The following SLCO2A1 variants were observed in gnomAD, a reference collection of about 807,000 sequenced individuals.
The protein encoded by SLCO2A1 is matrin F/G 1.
SLCO2A1 carries 60 observed loss-of-function variants against 71.7 expected under a neutral mutation model. The observed-to-expected ratio is 0.84, with a 90% CI of 0.68 to 1.04. SLCO2A1 has a LOEUF of 1.04. SLCO2A1 is among the 50% of genes least tolerant of loss of function. The pLI is 0.00. For synonymous variants in SLCO2A1, 308 were observed against 326.7 expected (o/e 0.94, Z 0.62); for missense variants, 745 against 813.4 (o/e 0.92, Z 1.02).
At chr3:133,983,973 G>T (rs546015702) in intron 1 of SLCO2A1, among the ~76,000 whole-genome samples, 24 of 152,188 alleles carry the variant, frequency 1.6e-4, no homozygotes, top group Non-Finnish European at 3.2e-4. Context: ...GAGGTCAAAG[G>T]CATGCATGCA....
At chr3:134,000,823 G>A (rs187889984) in intron 1 of SLCO2A1, among the ~76,000 whole-genome samples, 1 of 152,196 alleles carries the variant, frequency 6.6e-6, no homozygotes, top group African/African-American at 2.4e-5. Flanking sequence ...TAAATGTCTT[G>A]TCTTATTATG....
intron 1 of SLCO2A1, among the ~76,000 whole-genome samples, chr3:133,982,920 G>T (rs1486518029): frequency 3.3e-5 from 5 of 152,148 alleles, no homozygotes; most frequent in Non-Finnish European, 7.3e-5. Flanking sequence ...AAACAGCTGT[G>T]TTGGTTTGTG....
In SLCO2A1 at chr3:133,948,990, G is replaced by T; in HGVS notation, c.862-19C>A. On this transcript the variant is annotated intron_variant, in intron 6 of 13. Coordinates refer to ENST00000310926, the MANE Select transcript of SLCO2A1 (RefSeq NM_005630.3). ...GAGCCCTCTGAAGGCAATAAAAGGG[G>T]TGAGTGTTCACGGCCCAGGCTCACT... 1.9e-6 allele frequency: 3 copies of T among 1,608,518 alleles called. No individual in the cohort carries two copies. Among genetic ancestry groups the T allele is most frequent in the Middle Eastern group, 1.7e-4 (1 of 6,048 alleles).
chr3:133,974,502 A>G (rs538142177), intron 2 of SLCO2A1, among the ~76,000 whole-genome samples: 1 of 152,324 alleles, frequency 6.6e-6, no homozygotes, highest in South Asian at 2.1e-4. Flanking sequence ...TTTCTGCCCA[A>G]GCAGCTCTGC....
chr3:133,970,450 A>G (rs1034430147), intron 3 of SLCO2A1, among the ~76,000 whole-genome samples: 1 of 152,262 alleles, frequency 6.6e-6, no homozygotes, highest in African/African-American at 2.4e-5. Context: ...ACGACCTTGC[A>G]TGATTCAAAA....
intron 3 of SLCO2A1, among the ~76,000 whole-genome samples, chr3:133,955,592 C>T (rs149965699): frequency 5.9e-5 from 9 of 152,250 alleles, no homozygotes; most frequent in South Asian, 2.1e-4. Context: ...GGTCAAAGCC[C>T]AGGCCCGTCG....
intron 10 of SLCO2A1, among the ~76,000 whole-genome samples, chr3:133,944,791 A>G (rs531933832): frequency 6.6e-6 from 1 of 152,352 alleles, no homozygotes; most frequent in South Asian, 2.1e-4. Context: ...GATGGGGCTC[A>G]AAGGCCTCAG....
intron 10 of SLCO2A1, among the ~76,000 whole-genome samples, chr3:133,943,667 G>A (rs187213417): frequency 1.4e-4 from 22 of 152,004 alleles, no homozygotes; most frequent in Non-Finnish European, 2.2e-4. Flanking sequence ...ATGCTGTTAC[G>A]GGAAACTTGC....
rs746012275 is a variant in SLCO2A1, at chr3:133,948,624, G to A, written c.1017C>T (p.Ser339=). 1 of 1,614,164 alleles carries A rather than the reference G, an allele frequency of 6.2e-7. No individual in the cohort carries two copies. The highest frequency in any genetic ancestry group is 1.1e-5 in the South Asian group (1 of 91,086). Residue 339 remains serine, a synonymous_variant, in exon 8 of 14, where the codon TCC becomes TCT. Coordinates refer to ENST00000310926, the MANE Select transcript of SLCO2A1 (RefSeq NM_005630.3). ...VLVVLAQCTF[S]SVIAGLSTFL... is the part of the protein sequence containing the mutation. ...AGGTGGAGAGGCCAGCAATGACGGA[G>A]GAGAAGGTGCACTGGGCCAGGACCA...
Position 134,000,188 on chromosome 3 carries a change from C to T in SLCO2A1, c.97-20570G>A, listed in dbSNP as rs181801737. Among the ~76,000 whole-genome samples, 26 of 152,148 alleles carry T rather than the reference C, an allele frequency of 1.7e-4. No homozygotes were observed. In the East Asian group the frequency reaches 1.9e-3, roughly 11 times the overall value. On this transcript the variant is annotated intron_variant, in intron 1 of 13. Transcript: ENST00000310926. ...AGGAGCTCAAGATGCCAGGGGGAGC[C>T]GGACGAGTGCAGGGAGGCAGCTTGA...
At chr3:134,013,192 CTGAG>C (rs1351705646) in intron 1 of SLCO2A1, among the ~76,000 whole-genome samples, 3 of 152,214 alleles carry the variant, frequency 2.0e-5, no homozygotes, top group Non-Finnish European at 2.9e-5. Context: ...TAAATGCTCA[CTGAG>C]TGAGTGAGGT....
At chr3:133,984,642 C>G (rs775123249) in intron 1 of SLCO2A1, among the ~76,000 whole-genome samples, 23 of 152,172 alleles carry the variant, frequency 1.5e-4, no homozygotes, top group Non-Finnish European at 3.4e-4. Context: ...ACAGAGCAAG[C>G]AACACTTGAC....
chr3:133,993,982 A>G (rs1934907365), intron 1 of SLCO2A1, among the ~76,000 whole-genome samples: 1 of 152,138 alleles, frequency 6.6e-6, no homozygotes, highest in African/African-American at 2.4e-5. Flanking sequence ...GTATCAGAAG[A>G]GCTAGGATCT....
chr3:134,015,191 C>T (rs187380641), intron 1 of SLCO2A1, among the ~76,000 whole-genome samples: 1 of 152,316 alleles, frequency 6.6e-6, no homozygotes, highest in Admixed American at 6.5e-5. Flanking sequence ...TCAACCTCAG[C>T]ATCCATCAGT....
At chr3:134,029,526 T>A (rs1576466874) in intron 1 of SLCO2A1, among the ~76,000 whole-genome samples, 181 bp downstream of exon 1, 1 of 149,096 alleles carries the variant, frequency 6.7e-6, no homozygotes, top group African/African-American at 2.5e-5. Context: ...ACACACACGC[T>A]CACACACACA....
intron 3 of SLCO2A1, among the ~76,000 whole-genome samples, chr3:133,964,368 A>G (rs1447196581): frequency 1.3e-5 from 2 of 152,242 alleles, no homozygotes; most frequent in African/African-American, 4.8e-5. Context: ...AACCTGGGAC[A>G]TAGTGATTAT....
At chr3:134,029,603 C>T in intron 1 of SLCO2A1, 104 bp downstream of exon 1, 2 of 867,970 alleles carry the variant, frequency 2.3e-6, no homozygotes, top group East Asian at 3.0e-5. Context: ...GGAGGGAGCC[C>T]GGGGCTCCCG....
chr3:133,987,241 C>T (rs530087696), intron 1 of SLCO2A1, among the ~76,000 whole-genome samples: 2 of 147,922 alleles, frequency 1.4e-5, no homozygotes, highest in Non-Finnish European at 1.5e-5. Context: ...GTTCAGGTCT[C>T]GACAGGAAGT....
At chr3:133,989,085 C>G (rs945420880) in intron 1 of SLCO2A1, among the ~76,000 whole-genome samples, 4 of 152,150 alleles carry the variant, frequency 2.6e-5, no homozygotes, top group African/African-American at 9.7e-5. Flanking sequence ...GGCCGGCGGG[C>G]CCTGCAGGGA....
Sources: gnomAD v4.1 joint callset for allele counts (sites outside exome capture counted in the v4.1 genomes callset) on GRCh38, gnomAD v4.1.1 for gene constraint, MANE v1.5 for transcripts, NCBI Gene and HGNC (gene_info 2026-07-23, HGNC 2026-07-21) for gene names.